Variants in C5orf24 observed in about 807,000 individuals in gnomAD.
The protein encoded by C5orf24 is chromosome 5 open reading frame 24.
A neutral mutation model predicts 9.8 loss-of-function variants in C5orf24; 4 were observed. The ratio of observed to expected loss-of-function variants is 0.41; its 90% CI spans 0.20 to 0.93. The LOEUF is 0.93. C5orf24 is among the 40% of genes least tolerant of loss of function. The pLI is 0.33. For synonymous variants in C5orf24, 73 were observed against 81.3 expected, an observed-to-expected ratio of 0.90 and a Z score of 0.55; for missense variants, 170 against 236.9, an observed-to-expected ratio of 0.72 and a Z score of 1.85.
rs1756293521 is a variant in C5orf24, at chr5:134,855,730, A to G, written c.*263A>G. ...TTCCTTTTCCTTTAGAGTTATGGTC[A>G]TGTCTCATGTTTCATTACTACTTTG... On this transcript the variant is annotated 3_prime_UTR_variant, in exon 2 of 2. Transcript: ENST00000394976. 9.0e-6 allele frequency: 12 copies of G among 1,333,802 alleles called. No individual in the cohort carries two copies. Among genetic ancestry groups the G allele is most frequent in the South Asian group, 6.9e-5 (4 of 58,128 alleles). 82.6% of individuals were successfully genotyped at this position (1,333,802 alleles called of 1,614,324 possible). A position where few individuals can be genotyped will look rare whatever the true frequency, so the allele number is the denominator to read the frequency against.
At position 134,857,576 on chromosome 5, in the gene C5orf24, A is replaced by G. The variant is rs1223530774; in HGVS notation, c.*2109A>G. 6.4e-6 allele frequency: 5 copies of G among 784,576 alleles called. No individual in the cohort carries two copies. In the South Asian group the frequency reaches 2.1e-4, roughly 32 times the overall value. The allele number at this position is 784,576 out of a possible 1,614,324, so 48.6% of individuals were successfully genotyped here. ...ATAACATTCTGGCAGCTAAATTGCT[A>G]CAAGAGCTTTTTCTTGCAAAAGCTT... On this transcript the variant is annotated 3_prime_UTR_variant, in exon 2 of 2. Transcript: ENST00000394976.
In C5orf24 at chr5:134,856,739, T is replaced by C; in HGVS notation, c.*1272T>C. On this transcript the variant is annotated 3_prime_UTR_variant, in exon 2 of 2. Transcript: ENST00000394976. ...AACGTTTTTAGTTTTTCTCAGAAATTGTCCCATTGCATTAGCACTTACTGT... is the reference window on the plus strand; with the variant it reads ...AACGTTTTTAGTTTTTCTCAGAAATCGTCCCATTGCATTAGCACTTACTGT... The C allele has an allele frequency of 1.0e-6, 1 of 999,752 alleles. No homozygotes were observed. The highest frequency in any genetic ancestry group is 1.2e-6 in the Non-Finnish European group (1 of 829,550). The allele number at this position is 999,752 out of a possible 1,614,324, so 61.9% of individuals were successfully genotyped here. A position where few individuals can be genotyped will look rare whatever the true frequency, so the allele number is the denominator to read the frequency against.
upstream of C5orf24, among the ~76,000 whole-genome samples, chr5:134,843,652 G>T (rs545322977): frequency 4.7e-4 from 72 of 152,170 alleles, no homozygotes; most frequent in Admixed American, 1.6e-3. Flanking sequence ...CGCCTCCCAG[G>T]TTCAAGCGAT....
At chr5:134,838,497 G>A in the C5orf24 span, among the ~76,000 whole-genome samples, 22 of 151,966 alleles carry the variant, frequency 1.4e-4, no homozygotes, top group African/African-American at 5.1e-4. Flanking sequence ...ATGAAACGCC[G>A]TCTCTACTAA....
In C5orf24 at chr5:134,855,125, A is replaced by T. The variant is rs769405914; in HGVS notation, c.225A>T (p.Lys75Asn). 21 of 1,614,110 alleles carry T rather than the reference A, an allele frequency of 1.3e-5. No individual in the cohort carries two copies. The highest frequency in any genetic ancestry group is 1.8e-5 in the Non-Finnish European group (21 of 1,180,046). ...CAAGTGGCAGAAGCATAGAAATAAA[A>T]GATGAACTAAAGAAAAAGAAGAATC... ...QTTSGRSIEI[K>N]DELKKKKNLN... The change falls in exon 2 of 2, where the codon AAA becomes AAT. Residue 75 changes from lysine (K) to asparagine (N), a missense_variant. Physicochemically the swap from Lys to Asn is moderately conservative, Grantham distance 94. Around this residue, in one of 3 missense-constraint regions of C5orf24, gnomAD observed 93 missense variants for 104.5 expected, o/e 0.89. Coordinates refer to ENST00000394976, the MANE Select transcript of C5orf24 (RefSeq NM_001135586.1).
At chr5:134,842,416 G>A (rs1755907660), upstream of C5orf24, among the ~76,000 whole-genome samples, 1 of 151,936 alleles carries the variant, frequency 6.6e-6, no homozygotes, top group East Asian at 1.9e-4. Context: ...CTTGAACCCG[G>A]GAAGTGGAGG....
At chr5:134,844,311 T>C (rs1755941908), upstream of C5orf24, among the ~76,000 whole-genome samples, 3 of 152,184 alleles carry the variant, frequency 2.0e-5, no homozygotes, top group South Asian at 6.2e-4. Context: ...TACATATAAA[T>C]AACACTAGCA....
At chr5:134,841,408 G>A (rs1375471279), upstream of C5orf24, among the ~76,000 whole-genome samples, 2 of 151,944 alleles carry the variant, frequency 1.3e-5, no homozygotes, top group Non-Finnish European at 2.9e-5. Flanking sequence ...TGGTCAACAT[G>A]GTGAAACCCC....
At chr5:134,844,083 G>A (rs1430482468), upstream of C5orf24, among the ~76,000 whole-genome samples, 4 of 152,074 alleles carry the variant, frequency 2.6e-5, no homozygotes, top group African/African-American at 9.7e-5. Context: ...TTTTTAGAAT[G>A]AAAATTTCTT....
Position 134,858,220 on chromosome 5 carries a change from A to T in C5orf24, c.*2753A>T, listed in dbSNP as rs1756361779. The stretch of plus-strand genomic sequence containing the variant: ...CATCTGAGCGGTTACCTGGAGTATT[A>T]TATCTATGCACTGGTGAGCATCTCC... On this transcript the variant is annotated 3_prime_UTR_variant, in exon 2 of 2. Transcript: ENST00000394976. The T allele has an allele frequency of 6.0e-6, 1 of 167,106 alleles. No homozygotes were observed. Among genetic ancestry groups the T allele is most frequent in the South Asian group, 2.1e-4 (1 of 4,830 alleles). The allele number at this position is 167,106 out of a possible 1,614,324, so 10.4% of individuals were successfully genotyped here. A position where few individuals can be genotyped will look rare whatever the true frequency, so the allele number is the denominator to read the frequency against.
At chr5:134,833,937 C>G in the C5orf24 span, among the ~76,000 whole-genome samples, 1 of 151,778 alleles carries the variant, frequency 6.6e-6, no homozygotes, top group Admixed American at 6.6e-5. Flanking sequence ...TTTTTTCAAA[C>G]TCAAGCCTTA....
the C5orf24 span, among the ~76,000 whole-genome samples, chr5:134,838,930 C>A: frequency 6.6e-6 from 1 of 151,972 alleles, no homozygotes; most frequent in African/African-American, 2.4e-5. Flanking sequence ...CCAATCTGGC[C>A]AGGTACAGTG....
chr5:134,835,828 A>G, the C5orf24 span, among the ~76,000 whole-genome samples: 6 of 151,902 alleles, frequency 3.9e-5, no homozygotes, highest in African/African-American at 1.5e-4. Context: ...TGAATAGGTA[A>G]GTAGGACTAT....
At chr5:134,851,535 G>C (rs1307176595) in intron 1 of C5orf24, among the ~76,000 whole-genome samples, 1 of 151,252 alleles carries the variant, frequency 6.6e-6, no homozygotes, top group African/African-American at 2.4e-5. Flanking sequence ...CATCTAGTGG[G>C]TAGAGGCCAG....
intron 1 of C5orf24, among the ~76,000 whole-genome samples, chr5:134,852,429 C>G (rs1445787680): frequency 6.6e-6 from 1 of 152,208 alleles, no homozygotes; most frequent in Non-Finnish European, 1.5e-5. Context: ...TCTGTTGATT[C>G]TCAGCAAATG....
Position 134,856,754 on chromosome 5 carries a change from G to A in C5orf24, c.*1287G>A. 12 of 999,782 alleles carry A rather than the reference G, an allele frequency of 1.2e-5. No individual in the cohort carries two copies. The highest frequency in any genetic ancestry group is 1.4e-5 in the Non-Finnish European group (12 of 829,644). The allele number at this position is 999,782 out of a possible 1,614,324, so 61.9% of individuals were successfully genotyped here. Reference sequence around the variant, plus strand: ...TCTCAGAAATTGTCCCATTGCATTAGCACTTACTGTGTTTTCAGGTTGATA... The same window carrying A: ...TCTCAGAAATTGTCCCATTGCATTAACACTTACTGTGTTTTCAGGTTGATA... On this transcript the variant is annotated 3_prime_UTR_variant, in exon 2 of 2. Transcript: ENST00000394976.
rs569408062 is a variant in C5orf24, at chr5:134,858,327, A to C, written c.*2860A>C. 2 of 167,194 alleles carry C rather than the reference A, an allele frequency of 1.2e-5. No homozygotes were observed. The highest frequency in any genetic ancestry group is 3.9e-4 in the East Asian group (2 of 5,192). 10.4% of individuals were successfully genotyped at this position (167,194 alleles called of 1,614,324 possible). ...AGACATCTAAGTGATAACATGAATG[A>C]AGTCTTAAAATTTAAAGTATTTTTA... On this transcript the variant is annotated 3_prime_UTR_variant, in exon 2 of 2. Coordinates refer to ENST00000394976, the MANE Select transcript of C5orf24 (RefSeq NM_001135586.1).
upstream of C5orf24, among the ~76,000 whole-genome samples, chr5:134,842,011 G>A (rs1261461814): frequency 6.6e-6 from 1 of 152,048 alleles, no homozygotes; most frequent in Non-Finnish European, 1.5e-5. Flanking sequence ...TTTAATATGA[G>A]GTCAAATTTT....
At chr5:134,849,847 G>T (rs1195426978) in intron 1 of C5orf24, among the ~76,000 whole-genome samples, 1 of 151,516 alleles carries the variant, frequency 6.6e-6, no homozygotes, top group Non-Finnish European at 1.5e-5. Flanking sequence ...TTGTAGTGAC[G>T]GGGTTTCTCC....
Sources: allele counts gnomAD v4.1 joint callset (sites outside exome capture counted in the v4.1 genomes callset), GRCh38; gene constraint gnomAD v4.1.1; regional missense constraint gnomAD v4.1.1; transcripts MANE v1.5; gene names NCBI Gene and HGNC (gene_info 2026-07-23, HGNC 2026-07-21).